Variants in PON3 observed in about 807,000 individuals in gnomAD.
PON3 encodes the protein serum paraoxonase/lactonase 3.
PON3 carries 37 observed loss-of-function variants against 36.3 expected under a neutral mutation model. That is an observed-to-expected ratio of 1.02 (90% CI 0.78 to 1.34). The LOEUF is 1.34. Ranked by LOEUF, PON3 falls within the 40% of genes most tolerant of loss-of-function variation. PON3 has a pLI of 0.00. For missense variants in PON3, 415 were observed against 426.5 expected (o/e 0.97, Z 0.24); for synonymous variants, 155 against 154.8 (o/e 1.00, Z -0.01).
At chr7:95,378,043 C>A (rs1267502543) in intron 3 of PON3, among the ~76,000 whole-genome samples, 1 of 152,084 alleles carries the variant, frequency 6.6e-6, no homozygotes, top group African/African-American at 2.4e-5. Context: ...CTAGAATAAG[C>A]AGTGTAGAGA....
chr7:95,363,306 T>A (rs1808617819), intron 6 of PON3, among the ~76,000 whole-genome samples: 1 of 152,314 alleles, frequency 6.6e-6, no homozygotes, highest in South Asian at 2.1e-4. Flanking sequence ...CATGTTAATA[T>A]TCAAGGTACT....
chr7:95,390,061 T>C (rs577131439), intron 3 of PON3, 93 bp downstream of exon 3: 40 of 1,302,594 alleles, frequency 3.1e-5, no homozygotes, highest in Non-Finnish European at 4.3e-5. Flanking sequence ...GATGAGAGCA[T>C]AGGGATCCAT....
At position 95,372,191 on chromosome 7, in the gene PON3, T is replaced by G. The variant is rs750834871; in HGVS notation, c.349A>C (p.Ser117Arg). 2 of 1,613,768 alleles carry G rather than the reference T, an allele frequency of 1.2e-6. No individual in the cohort carries two copies. Among genetic ancestry groups the G allele is most frequent in the Non-Finnish European group, 1.7e-6 (2 of 1,179,712 alleles). ...DKELFNPHGI[S>R]IFIDKDNTVY... ...GTTTTACCTTTGTCGATGAAAATAC[T>G]GATCCCATGTGGATTAAATAATTCT... The change falls in exon 4 of 9, where the codon AGT becomes CGT. Residue 117 changes from serine (S) to arginine (R), a missense_variant. By Grantham distance (110) the Ser-to-Arg change is moderately radical. Coordinates refer to ENST00000265627, the MANE Select transcript of PON3 (RefSeq NM_000940.3).
chr7:95,375,170 C>T (rs960933969), intron 3 of PON3, among the ~76,000 whole-genome samples: 1 of 151,750 alleles, frequency 6.6e-6, no homozygotes, highest in Non-Finnish European at 1.5e-5. Context: ...TACTCTTTTC[C>T]CCATAACCAA....
intron 8 of PON3, 148 bp from the exon 9 acceptor site, chr7:95,360,279 A>C: frequency 1.2e-6 from 1 of 836,596 alleles, no homozygotes; most frequent in East Asian, 2.6e-5. Flanking sequence ...TCTTCTGATG[A>C]AAGTACTAAT....
intron 3 of PON3, among the ~76,000 whole-genome samples, chr7:95,382,407 T>G (rs977084695): frequency 1.3e-5 from 2 of 151,944 alleles, no homozygotes; most frequent in Non-Finnish European, 2.9e-5. Context: ...AATCAATGAA[T>G]CCAGGAGCTG....
At chr7:95,380,408 T>A (rs1484052035) in intron 3 of PON3, among the ~76,000 whole-genome samples, 1 of 152,156 alleles carries the variant, frequency 6.6e-6, no homozygotes, top group East Asian at 1.9e-4. Context: ...TTCTCTGAGC[T>A]AAAGGAGGAA....
At chr7:95,378,045 G>T (rs1042142612) in intron 3 of PON3, among the ~76,000 whole-genome samples, 9 of 152,160 alleles carry the variant, frequency 5.9e-5, no homozygotes, top group Non-Finnish European at 8.8e-5. Context: ...AGAATAAGCA[G>T]TGTAGAGAAG....
chr7:95,396,123 A>G (rs1809426196), intron 1 of PON3, 154 bp downstream of exon 1: 1 of 793,078 alleles, frequency 1.3e-6, no homozygotes, highest in Non-Finnish European at 2.2e-6. Flanking sequence ...CCCATAAGCG[A>G]GTCTCAAGGG....
chr7:95,367,302 T>C (rs1808718351), intron 5 of PON3, 60 bp downstream of exon 5: 2 of 1,595,516 alleles, frequency 1.3e-6, no homozygotes, highest in Admixed American at 3.4e-5. Context: ...AACCAAAAAA[T>C]ACAAAGCACA....
intron 4 of PON3, among the ~76,000 whole-genome samples, chr7:95,369,838 A>C (rs1441897797): frequency 1.3e-5 from 2 of 152,202 alleles, no homozygotes; most frequent in Non-Finnish European, 2.9e-5. Flanking sequence ...TTGAGAAGAA[A>C]TATAGAAAGG....
intron 4 of PON3, among the ~76,000 whole-genome samples, chr7:95,367,748 C>T (rs1283260157): frequency 6.6e-6 from 1 of 152,214 alleles, no homozygotes; most frequent in African/African-American, 2.4e-5. Flanking sequence ...ATAGTCACTT[C>T]ACCCTTATAT....
intron 3 of PON3, among the ~76,000 whole-genome samples, chr7:95,378,902 A>C (rs2116401528): frequency 6.6e-6 from 1 of 152,306 alleles, no homozygotes. Context: ...CAAACATAAC[A>C]ATATTAACCT....
intron 3 of PON3, among the ~76,000 whole-genome samples, chr7:95,387,895 T>C (rs1345515828): frequency 6.6e-6 from 1 of 152,208 alleles, no homozygotes; most frequent in Admixed American, 6.5e-5. Context: ...TGATTCCCTA[T>C]GTAATAAATG....
chr7:95,372,265 T>C lies in PON3; in HGVS notation c.275A>G (p.Glu92Gly), dbSNP rs767452344. Residue 92 changes from glutamate to glycine, a missense_variant, in exon 4 of 9, where the codon GAA becomes GGA. By Grantham distance (98) the Glu-to-Gly change is moderately conservative (BLOSUM62 -2). Coordinates refer to ENST00000265627, the MANE Select transcript of PON3 (RefSeq NM_000940.3). ...TAGCGCTTGTGCCCTTGGGTTTTGTTCATTCAGATCCATCAAGAAGATTTT... is the reference window on the plus strand; with the variant it reads ...TAGCGCTTGTGCCCTTGGGTTTTGTCCATTCAGATCCATCAAGAAGATTTT... ...PGKIFLMDLN[E>G]QNPRAQALEI... is the part of the protein sequence containing the mutation. The C allele has an allele frequency of 5.6e-6, 9 of 1,613,884 alleles. No homozygotes were observed. In the Middle Eastern group the frequency reaches 4.9e-4, roughly 88 times the overall value.
At chr7:95,381,270 G>A (rs1490631653) in intron 3 of PON3, among the ~76,000 whole-genome samples, 4 of 152,168 alleles carry the variant, frequency 2.6e-5, no homozygotes, top group South Asian at 2.1e-4. Context: ...AAAGACCATC[G>A]AGGCTAGGAA....
At chr7:95,394,584 G>T in intron 2 of PON3, 60 bp downstream of exon 2, 1 of 1,460,476 alleles carries the variant, frequency 6.8e-7, no homozygotes, top group Non-Finnish European at 9.6e-7. Flanking sequence ...GTAGGGCTCA[G>T]TCAGGTGGAT....
rs995619518 is a variant in PON3, at chr7:95,369,776, TA to T, written c.368-2289del. Among the ~76,000 whole-genome samples, 25 of 149,198 alleles carry T rather than the reference TA, an allele frequency of 1.7e-4. 1 individual carries two copies. The highest frequency in any genetic ancestry group is 8.0e-4 in the Admixed American group (12 of 14,978). On this transcript the variant is annotated intron_variant, in intron 4 of 8. Transcript: ENST00000265627. ...GGGAGACGAGCAAAACTTCATCTCA[TA>T]AAAAAAAAATTAGTTACCACCGTAA...
At chr7:95,385,135 T>C (rs1809159098) in intron 3 of PON3, among the ~76,000 whole-genome samples, 1 of 151,900 alleles carries the variant, frequency 6.6e-6, no homozygotes, top group Non-Finnish European at 1.5e-5. Context: ...TTCTCACTCA[T>C]AGGTGGGAAT....
Sources: gnomAD v4.1 joint callset for allele counts (sites outside exome capture counted in the v4.1 genomes callset) on GRCh38, gnomAD v4.1.1 for gene constraint, MANE v1.5 for transcripts, NCBI Gene and HGNC (gene_info 2026-07-23, HGNC 2026-07-21) for gene names.